The following SRGAP3 variants were observed in gnomAD, a reference collection of about 807,000 sequenced individuals.
SRGAP3 encodes the protein SLIT-ROBO Rho GTPase activating protein 3, also known as SLIT-ROBO Rho GTPase-activating protein 3.
A neutral mutation model predicts 121.1 loss-of-function variants in SRGAP3; 39 were observed. The observed-to-expected ratio is 0.32, with a 90% CI of 0.25 to 0.42. The LOEUF is 0.42. Ranked by LOEUF, SRGAP3 falls within the 10% of genes least tolerant of loss-of-function variation. The pLI is 1.00. For missense variants in SRGAP3, 1,213 were observed against 1,470.6 expected (o/e 0.82, Z 2.86); for synonymous variants, 601 against 570.0 (o/e 1.05, Z -0.77).
intron 10 of SRGAP3, among the ~76,000 whole-genome samples, chr3:9,039,125 C>G (rs1050405492): frequency 2.6e-5 from 4 of 152,180 alleles, no homozygotes; most frequent in Admixed American, 1.3e-4. Context: ...GAGGCTGAAT[C>G]CAATGGTCTT....
At chr3:9,231,746 G>A (rs183143963) in intron 1 of SRGAP3, among the ~76,000 whole-genome samples, 2 of 152,214 alleles carry the variant, frequency 1.3e-5, no homozygotes, top group Admixed American at 1.3e-4. Context: ...GGGTAGGAGT[G>A]GGACAAAAAA....
chr3:9,238,530 C>A (rs980873606), intron 1 of SRGAP3, among the ~76,000 whole-genome samples: 1 of 152,064 alleles, frequency 6.6e-6, no homozygotes, highest in African/African-American at 2.4e-5. Context: ...ATTTCCTAGA[C>A]CAAAGTGGAG....
intron 2 of SRGAP3, among the ~76,000 whole-genome samples, chr3:9,329,053 T>C (rs1249911314): frequency 6.6e-6 from 1 of 152,210 alleles, no homozygotes; most frequent in Non-Finnish European, 1.5e-5. Context: ...GAACAGCTTG[T>C]TGGGCCATCC....
chr3:9,125,868 C>T (rs1312390764), intron 1 of SRGAP3, among the ~76,000 whole-genome samples: 1 of 152,194 alleles, frequency 6.6e-6, no homozygotes, highest in East Asian at 1.9e-4. Context: ...GGTCCAACTC[C>T]TCAGCATGAC....
intron 12 of SRGAP3, among the ~76,000 whole-genome samples, chr3:9,030,909 C>A (rs1244343232): frequency 6.6e-6 from 1 of 152,108 alleles, no homozygotes; most frequent in Non-Finnish European, 1.5e-5. Flanking sequence ...CCTCCAGAAG[C>A]CTACTGTGCT....
intron 3 of SRGAP3, among the ~76,000 whole-genome samples, chr3:9,276,752 T>C (rs906376806): frequency 1.3e-5 from 2 of 152,250 alleles, no homozygotes; most frequent in Admixed American, 1.3e-4. Flanking sequence ...ACCTCCCTGA[T>C]TGGGCTTCCA....
intron 3 of SRGAP3, among the ~76,000 whole-genome samples, chr3:9,101,912 T>C (rs1948230316): frequency 6.6e-6 from 1 of 152,132 alleles, no homozygotes; most frequent in Non-Finnish European, 1.5e-5. Context: ...GCTCCTCTAG[T>C]CATAAGAACA....
At chr3:9,032,059 A>G (rs984338) in intron 12 of SRGAP3, among the ~76,000 whole-genome samples, 83,632 of 152,078 alleles carry the variant, frequency 0.55, 24,376 homozygotes, top group African/African-American at 0.76. Flanking sequence ...GGTACAAAGG[A>G]TTAACCTAGA....
At chr3:9,210,502 A>T (rs559216079) in intron 1 of SRGAP3, among the ~76,000 whole-genome samples, 6 of 152,132 alleles carry the variant, frequency 3.9e-5, no homozygotes, top group African/African-American at 1.2e-4. Context: ...ATAAAAATTT[A>T]AAAAATAGAA....
chr3:9,176,123 T>C (rs1203789273), intron 1 of SRGAP3, among the ~76,000 whole-genome samples: 1 of 152,176 alleles, frequency 6.6e-6, no homozygotes, highest in Non-Finnish European at 1.5e-5. Flanking sequence ...GGTTTCGTTA[T>C]GTTGGCCAGG....
At chr3:9,241,536 G>A (rs537060500) in intron 1 of SRGAP3, among the ~76,000 whole-genome samples, 1 of 152,116 alleles carries the variant, frequency 6.6e-6, no homozygotes, top group Non-Finnish European at 1.5e-5. Flanking sequence ...CATCTACCAA[G>A]GAAATGCAAG....
intron 1 of SRGAP3, among the ~76,000 whole-genome samples, chr3:9,126,645 C>CTAACTAAATAAATAAATAAA (rs1310035999): frequency 2.3e-5 from 3 of 129,310 alleles, no homozygotes; most frequent in African/African-American, 9.1e-5. Flanking sequence ...AACTAACTAA[C>CTAACTAAATAAATAAATAAA]TAAATAAATA....
chr3:8,993,400 G>A (rs1351094461), intron 19 of SRGAP3, among the ~76,000 whole-genome samples: 1 of 152,206 alleles, frequency 6.6e-6, no homozygotes, highest in Non-Finnish European at 1.5e-5. Context: ...GCTGAGCACC[G>A]AGGGCTGAGT....
At chr3:9,257,966 G>T (rs1252915125) in intron 3 of SRGAP3, among the ~76,000 whole-genome samples, 1 of 152,120 alleles carries the variant, frequency 6.6e-6, no homozygotes, top group Non-Finnish European at 1.5e-5. Context: ...GTCTCCCAAA[G>T]TGCTGGGATT....
chr3:9,135,914 G>A (rs1484797496), intron 1 of SRGAP3, among the ~76,000 whole-genome samples: 1 of 152,224 alleles, frequency 6.6e-6, no homozygotes, highest in Admixed American at 6.5e-5. Flanking sequence ...TCCCCCCTGG[G>A]GTTGTTAAAA....
At chr3:9,198,412 G>C (rs1951973296) in intron 1 of SRGAP3, among the ~76,000 whole-genome samples, 1 of 152,192 alleles carries the variant, frequency 6.6e-6, no homozygotes, top group South Asian at 2.1e-4. Flanking sequence ...GGGGTAATAA[G>C]GAAGGAATAA....
chr3:8,986,022 G>A (rs570034358), intron 21 of SRGAP3, 90 bp from the exon 22 acceptor site: 9 of 1,586,486 alleles, frequency 5.7e-6, no homozygotes, highest in Middle Eastern at 1.7e-4. Flanking sequence ...TCGTAGGCAG[G>A]TTCCCCAGAA....
intron 3 of SRGAP3, among the ~76,000 whole-genome samples, chr3:9,255,029 A>AAAGG (rs386395912): frequency 7.0e-6 from 1 of 143,784 alleles, no homozygotes; most frequent in Non-Finnish European, 1.6e-5. Flanking sequence ...AAAGAGAAAG[A>AAAGG]AAGGAAGAAA....
At chr3:9,323,798 AACAC>A (rs139013302) in intron 3 of SRGAP3, among the ~76,000 whole-genome samples, 7,405 of 148,848 alleles carry the variant, frequency 0.05, 397 homozygotes, top group East Asian at 0.31. Context: ...CTGTGTATCT[AACAC>A]ACACACACAC....
Sources: gnomAD v4.1 joint callset for allele counts (sites outside exome capture counted in the v4.1 genomes callset) on GRCh38, gnomAD v4.1.1 for gene constraint, MANE v1.5 for transcripts, NCBI Gene and HGNC (gene_info 2026-07-23, HGNC 2026-07-21) for gene names.